The following MUC5B variants were observed in gnomAD, a reference collection of about 807,000 sequenced individuals.
MUC5B encodes mucin-5B.
Under a neutral mutation model 376.9 loss-of-function variants are expected in MUC5B, and 116 were observed. The observed-to-expected ratio is 0.31, with a 90% CI of 0.26 to 0.36. The LOEUF is 0.36. Ranked by LOEUF, MUC5B falls within the 10% of genes least tolerant of loss-of-function variation. The probability of loss-of-function intolerance (pLI) is 1.00; values close to 1 mark genes in which losing one functional copy is unlikely to be tolerated. For synonymous variants in MUC5B, 3,517 were observed against 3,390.9 expected (o/e 1.04, Z -1.29); for missense variants, 7,165 against 7,769.9 (o/e 0.92, Z 2.93).
At chr11:1,228,457 G>A (rs1022806214) in intron 7 of MUC5B, 107 bp from the exon 8 acceptor site, 12 of 1,126,334 alleles carry the variant, frequency 1.1e-5, no homozygotes, top group South Asian at 8.0e-5. Context: ...AAGGAACCCC[G>A]ACAGGGAGAG....
In MUC5B at chr11:1,258,387, T is replaced by C. The variant is rs56189450; in HGVS notation, c.16593+20T>C. On this transcript the variant is annotated intron_variant, in intron 43 of 48. Transcript: ENST00000529681. This position sits in a 1 kb window ranked among gnomAD's most constrained non-coding sequence, Gnocchi z 5.5. ...TACGGGGTAAGGGCACAGCAGTGGG[T>C]GGGTGTGGCCCTGGGGCCTGAACAT... The C allele has an allele frequency of 0.029, 47,479 of 1,610,810 alleles. 891 individuals are homozygous for C. The highest frequency in any genetic ancestry group is 0.032 in the Non-Finnish European group (38,290 of 1,178,866).
At position 1,259,080 on chromosome 11, in the gene MUC5B, GC is replaced by G; in HGVS notation, c.16713+24del. On this transcript the variant is annotated intron_variant, in intron 44 of 48. Coordinates refer to ENST00000529681, the MANE Select transcript of MUC5B (RefSeq NM_002458.3). ...TCCCCAGGTGAGACCCGAGGCACCT[GC>G]CCCCAGGTGAGCCCCCGAGGCACCT... is the stretch of plus-strand genomic sequence containing the variant. 3.2e-6 allele frequency: 5 copies of G among 1,541,280 alleles called. No individual in the cohort carries two copies. The highest frequency in any genetic ancestry group is 3.5e-6 in the Non-Finnish European group (4 of 1,144,214).
chr11:1,233,967 C>A, intron 19 of MUC5B, 119 bp downstream of exon 19: 1 of 1,054,786 alleles, frequency 9.5e-7, no homozygotes, highest in Non-Finnish European at 1.4e-6. Flanking sequence ...CAGGTCAGTC[C>A]TCACCTGGGC....
In MUC5B at chr11:1,241,945, G is replaced by A; in HGVS notation, c.5065G>A (p.Ala1689Thr). 6.2e-7 allele frequency: 1 copy of A among 1,606,388 alleles called. No homozygotes were observed. The highest frequency in any genetic ancestry group is 1.1e-5 in the South Asian group (1 of 89,876). The change falls in exon 31 of 49, where the codon GCC (alanine) becomes ACC (threonine). Residue 1689 changes from alanine (A) to threonine (T), a missense_variant. Transcript: ENST00000529681. ...GSTEPTVPGV[A>T]TSTLPTRSAL... Reference sequence around the variant, plus strand: ...CACAGAACCCACTGTCCCAGGGGTGGCCACATCCACCCTTCCAACACGCTC... The same window carrying A: ...CACAGAACCCACTGTCCCAGGGGTGACCACATCCACCCTTCCAACACGCTC...
In MUC5B at chr11:1,231,494, G is replaced by T. The variant is rs759438899; in HGVS notation, c.1612G>T (p.Val538Leu). ...VQTGLGLQLLVQLVPLMQVFV... is the reference protein window; with the variant it reads ...VQTGLGLQLLLQLVPLMQVFV... Reference sequence around the variant, plus strand: ...GACAGGCCTGGGGCTGCAGCTGCTGGTGCAGCTGGTGCCACTCATGCAGGT... The same window carrying T: ...GACAGGCCTGGGGCTGCAGCTGCTGTTGCAGCTGGTGCCACTCATGCAGGT... Residue 538 changes from valine (V) to leucine (L), a missense_variant, in exon 14 of 49, where the codon GTG (valine) becomes TTG (leucine). This residue lies in a region of MUC5B where 640 missense variants were observed against 733.0 expected (regional missense o/e 0.87). Coordinates refer to ENST00000529681, the MANE Select transcript of MUC5B (RefSeq NM_002458.3). 6.2e-7 allele frequency: 1 copy of T among 1,607,692 alleles called. No individual in the cohort carries two copies. The highest frequency in any genetic ancestry group is 1.1e-5 in the South Asian group (1 of 90,244).
rs1862348780 is a variant in MUC5B at position 1,243,372 on chromosome 11, C to G, written c.6492C>G (p.Thr2164=). ...GTTPIPPVLT[T]TATTPAATSN... The stretch of plus-strand genomic sequence containing the variant: ...CTCCCATCCCCCCAGTGCTGACCAC[C>G]ACCGCCACCACACCTGCAGCCACCA... The change falls in exon 31 of 49, where the codon ACC becomes ACG. Residue 2164 remains threonine, a synonymous_variant. Coordinates refer to ENST00000529681, the MANE Select transcript of MUC5B (RefSeq NM_002458.3). The G allele has an allele frequency of 6.5e-7, 1 of 1,533,916 alleles. No homozygotes were observed. Among genetic ancestry groups the G allele is most frequent in the Non-Finnish European group, 8.8e-7 (1 of 1,131,328 alleles).
rs989218273 is a variant in MUC5B, at chr11:1,253,422, G to A, written c.15217+442G>A. 1.2e-4 allele frequency among the ~76,000 whole-genome samples: 18 copies of A among 152,188 alleles called. No homozygotes were observed. The highest frequency in any genetic ancestry group is 3.9e-4 in the African/African-American group (16 of 41,520). On this transcript the variant is annotated intron_variant, in intron 33 of 48. Transcript: ENST00000529681. This position sits in a 1 kb window ranked among gnomAD's most constrained non-coding sequence, Gnocchi z 4.3. ...TCAGGATGGAAGCGGGAGCCCAGAG[G>A]AGCTTTTGTCTCCTGGGTCCTAACA...
rs1241608358 is a variant in MUC5B, at chr11:1,260,246, G to T, written c.16924-105G>T. On this transcript the variant is annotated intron_variant, in intron 46 of 48. Coordinates refer to ENST00000529681, the MANE Select transcript of MUC5B (RefSeq NM_002458.3). ...CCCCTGCCTGGGAGGCCCCGCCCCT[G>T]CCCGGGAGGCCATGCCCCTGCCCGG... The T allele has an allele frequency of 2.2e-6, 3 of 1,362,490 alleles. No individual in the cohort carries two copies. The East Asian group carries it at 7.1e-5, about 32-fold the overall frequency. 84.4% of individuals were successfully genotyped at this position (1,362,490 alleles called of 1,614,324 possible). A position where few individuals can be genotyped will look rare whatever the true frequency, so the allele number is the denominator to read the frequency against.
rs779412849 is a variant in MUC5B, at chr11:1,246,141, C to G, written c.9261C>G (p.Pro3087=). 2.2e-5 allele frequency: 36 copies of G among 1,613,068 alleles called. No individual in the cohort carries two copies. Among genetic ancestry groups the G allele is most frequent in the Non-Finnish European group, 2.6e-5 (31 of 1,179,556 alleles). Residue 3087 remains proline (P), a synonymous_variant, in exon 31 of 49, where the codon CCC becomes CCG. Coordinates refer to ENST00000529681, the MANE Select transcript of MUC5B (RefSeq NM_002458.3). ...TGTLPEQTTT[P]MATMSTIHPS... ...CCCTCCCAGAACAGACCACCACACC[C>G]ATGGCCACCATGTCCACAATCCACC... is the stretch of plus-strand genomic sequence containing the variant.
Position 1,230,922 on chromosome 11 carries a change from G to C in MUC5B, c.1471-14G>C. On this transcript the variant is annotated splice_polypyrimidine_tract_variant and intron_variant, in intron 12 of 48. Coordinates refer to ENST00000529681, the MANE Select transcript of MUC5B (RefSeq NM_002458.3). The stretch of plus-strand genomic sequence containing the variant: ...CCTCCCCAGAGCTGACCTCCCGCCC[G>C]CCTCCTTCCGCAGGCCATCCGGGTC... 1 of 1,578,502 alleles carries C rather than the reference G, an allele frequency of 6.3e-7. No individual in the cohort carries two copies. The highest frequency in any genetic ancestry group is 8.6e-7 in the Non-Finnish European group (1 of 1,163,268).
chr11:1,242,553 C>G lies in MUC5B; in HGVS notation c.5673C>G (p.Thr1891=), dbSNP rs1264745576. The G allele has an allele frequency of 1.9e-6, 3 of 1,613,850 alleles. No individual in the cohort carries two copies. Among genetic ancestry groups the G allele is most frequent in the Middle Eastern group, 3.3e-4 (2 of 6,060 alleles). ...DYSHCPSTPA[T]SSTATPSSTP... ...GCCACTGCCCCAGTACCCCAGCCAC[C>G]AGCTCCACGGCCACGCCCTCCTCAA... The change falls in exon 31 of 49, where the codon ACC becomes ACG. Residue 1891 remains threonine, a synonymous_variant. Coordinates refer to ENST00000529681, the MANE Select transcript of MUC5B (RefSeq NM_002458.3).
intron 15 of MUC5B, 68 bp downstream of exon 15, chr11:1,232,228 G>A (rs1862044058): frequency 6.7e-7 from 1 of 1,484,490 alleles, no homozygotes; most frequent in African/African-American, 1.4e-5. Flanking sequence ...CCTGTCCCCT[G>A]GGCCACGGGG....
chr11:1,231,640 G>A, intron 14 of MUC5B, 80 bp downstream of exon 14: 1 of 1,462,516 alleles, frequency 6.8e-7, no homozygotes, highest in Non-Finnish European at 9.1e-7. Flanking sequence ...GGGAGGGGCA[G>A]GCAGAGGCGG....
rs116336307 is a variant in MUC5B, at chr11:1,226,276, C to T, written c.199C>T (p.Pro67Ser). Reference protein sequence around the residue: ...PPVTVFPSLSPLNPAHNGRVC... With the variant: ...PPVTVFPSLSSLNPAHNGRVC... ...CGTCACTGTCTTCCCCAGCCTGAGC[C>T]GTAAGCAGATGCTGCCCCTGCCAGC... is the stretch of plus-strand genomic sequence containing the variant. The change falls in exon 3 of 49, where the codon CCC becomes TCC. Residue 67 changes from proline to serine, a missense_variant and splice_region_variant. This residue lies in a region of MUC5B where 640 missense variants were observed against 733.0 expected (regional missense o/e 0.87). Coordinates refer to ENST00000529681, the MANE Select transcript of MUC5B (RefSeq NM_002458.3). 1,305 of 1,554,402 alleles carry T rather than the reference C, an allele frequency of 8.4e-4. 12 individuals carry two copies. In the African/African-American group the frequency reaches 0.015, roughly 18 times the overall value.
chr11:1,241,459 G>A lies in MUC5B; in HGVS notation c.4579G>A (p.Val1527Ile), dbSNP rs979292565. The change falls in exon 31 of 49, where the codon GTT becomes ATT. Residue 1527 changes from valine (V) to isoleucine (I), a missense_variant. Coordinates refer to ENST00000529681, the MANE Select transcript of MUC5B (RefSeq NM_002458.3). ...CAAGTCTGAACAACTTGGAGGGGAC[G>A]TTGAGTCCTACGATAAGATCAGGGC... ...YPKSEQLGGD[V>I]ESYDKIRAAG... 4.3e-6 allele frequency: 7 copies of A among 1,613,420 alleles called. No homozygotes were observed. In the African/African-American group the frequency reaches 9.4e-5, roughly 22 times the overall value.
At chr11:1,260,564 C>CA in intron 47 of MUC5B, 62 bp from the exon 48 acceptor site, 1 of 1,514,974 alleles carries the variant, frequency 6.6e-7, no homozygotes, top group Non-Finnish European at 9.1e-7. Context: ...GTCGGCCCAG[C>CA]AAGTCCAGGC....
rs1862925748 is a variant in MUC5B at position 1,259,068 on chromosome 11, C to T, written c.16713+7C>T. ...CAATACTACCTGTCCCCAGGTGAGA[C>T]CCGAGGCACCTGCCCCCAGGTGAGC... On this transcript the variant is annotated splice_region_variant and intron_variant, in intron 44 of 48. Coordinates refer to ENST00000529681, the MANE Select transcript of MUC5B (RefSeq NM_002458.3). 1.9e-6 allele frequency: 3 copies of T among 1,545,696 alleles called. No homozygotes were observed. The highest frequency in any genetic ancestry group is 2.6e-6 in the Non-Finnish European group (3 of 1,145,304).
At position 1,242,360 on chromosome 11, in the gene MUC5B, G is replaced by A. The variant is rs1281273489; in HGVS notation, c.5480G>A (p.Ser1827Asn). 2 of 1,613,880 alleles carry A rather than the reference G, an allele frequency of 1.2e-6. No individual in the cohort carries two copies. The highest frequency in any genetic ancestry group is 1.1e-5 in the South Asian group (1 of 91,080). ...AGGKMCWAPK[S>N]IECRAENYPE... ...GGCAAGATGTGCTGGGCACCAAAGA[G>A]CATAGAGTGCCGGGCGGAGAACTAC... Residue 1827 changes from serine to asparagine, a missense_variant, in exon 31 of 49, where the codon AGC becomes AAC. Ser to Asn is a conservative substitution (Grantham distance 46). Transcript: ENST00000529681.
Position 1,258,349 on chromosome 11 carries a change from C to T in MUC5B, c.16575C>T (p.Tyr5525=), listed in dbSNP as rs1036294158. 6.2e-7 allele frequency: 1 copy of T among 1,612,090 alleles called. No homozygotes were observed. The highest frequency in any genetic ancestry group is 8.5e-7 in the Non-Finnish European group (1 of 1,179,608). Residue 5525 remains tyrosine (Y), a synonymous_variant, in exon 43 of 49, where the codon TAC becomes TAT. Coordinates refer to ENST00000529681, the MANE Select transcript of MUC5B (RefSeq NM_002458.3). The surrounding 1 kb of genome is among the most constrained non-coding windows in gnomAD (Gnocchi z 5.5). ...TFRCRPQLCS[Y]NGTFYGVGAT... ...TTCCAGGACCTCAGCTGTGTTCGTA[C>T]AATGGCACCTTCTACGGGGTAAGGG...
Sources: gnomAD v4.1 joint callset for allele counts (sites outside exome capture counted in the v4.1 genomes callset) on GRCh38, gnomAD v4.1.1 for gene constraint, gnomAD v4.1.1 regional missense constraint, Gnocchi (gnomAD v3.1) non-coding constraint, MANE v1.5 for transcripts, NCBI Gene and HGNC (gene_info 2026-07-23, HGNC 2026-07-21) for gene names.